CDH23: variants seen among roughly 807,000 people sequenced by gnomAD.
CDH23 encodes cadherin related 23.
Under a neutral mutation model 317.1 loss-of-function variants are expected in CDH23, and 189 were observed. The observed-to-expected ratio is 0.60, with a 90% CI of 0.53 to 0.67. The LOEUF (loss-of-function observed/expected upper bound fraction) is 0.67, where lower values mean the gene tolerates loss of function less well. Among genes scored for constraint, CDH23 ranks in the 30% least tolerant of loss-of-function variants. The pLI is 0.00. For missense variants in CDH23, 4,401 were observed against 4,592.4 expected, an observed-to-expected ratio of 0.96 and a Z score of 1.20; for synonymous variants, 1,839 against 1,876.8, an observed-to-expected ratio of 0.98 and a Z score of 0.52.
chr10:71,804,024 T>C (rs1564802831), intron 55 of CDH23, among the ~76,000 whole-genome samples: 1 of 151,748 alleles, frequency 6.6e-6, no homozygotes, highest in Non-Finnish European at 1.5e-5. Context: ...AGTCTAACTC[T>C]ATCGCTTATC....
intron 68 of CDH23, 59 bp from the exon 69 acceptor site, chr10:71,813,185 C>T (rs764253276): frequency 3.0e-5 from 44 of 1,461,462 alleles, no homozygotes; most frequent in Middle Eastern, 2.2e-4. Context: ...AGGGAGTGGG[C>T]GAGGGGCGGG....
At chr10:71,588,798 C>T (rs1859260771) in intron 9 of CDH23, among the ~76,000 whole-genome samples, 1 of 152,228 alleles carries the variant, frequency 6.6e-6, no homozygotes, top group Admixed American at 6.5e-5. Context: ...GTGTTCCCTG[C>T]ACAAAGCCGC....
At chr10:71,761,833 G>C in intron 38 of CDH23, 2 of 1,614,178 alleles carry the variant, frequency 1.2e-6, no homozygotes, top group Non-Finnish European at 1.7e-6. Context: ...CCTGGAACGT[G>C]AGGTTGCGGA....
intron 38 of CDH23, chr10:71,761,022 A>G (rs1361902860): frequency 1.6e-6 from 2 of 1,226,514 alleles, no homozygotes; most frequent in Non-Finnish European, 2.4e-6. Flanking sequence ...CCAGGTTCTC[A>G]CGCTAGTGCC....
At chr10:71,467,685 G>A (rs951887556) in intron 3 of CDH23, among the ~76,000 whole-genome samples, 1 of 152,110 alleles carries the variant, frequency 6.6e-6, no homozygotes, top group Non-Finnish European at 1.5e-5. Context: ...TGTCCATGAA[G>A]TGTGGAGGAT....
At chr10:71,680,084 G>A (rs1864551727) in intron 17 of CDH23, among the ~76,000 whole-genome samples, 1 of 152,382 alleles carries the variant, frequency 6.6e-6, no homozygotes, top group African/African-American at 2.4e-5. Flanking sequence ...CTGGCCCTTG[G>A]TTGCCTTGCG....
In CDH23 at chr10:71,550,717, C is replaced by G. The variant is rs187897596; in HGVS notation, c.430-16025C>G. ...GGCCCCAGTGCTGTTACTCTTTCCC[C>G]CACCGTCCCATCCTCAAGGCCACTG... is the stretch of plus-strand genomic sequence containing the variant. On this transcript the variant is annotated intron_variant, in intron 6 of 69. Transcript: ENST00000224721. Among the ~76,000 whole-genome samples the G allele has an allele frequency of 2.0e-5, 3 of 152,300 alleles. No individual in the cohort carries two copies. The East Asian group carries it at 5.8e-4, about 29-fold the overall frequency.
At chr10:71,560,367 G>T (rs1857070385) in intron 6 of CDH23, among the ~76,000 whole-genome samples, 1 of 151,810 alleles carries the variant, frequency 6.6e-6, no homozygotes, top group Admixed American at 6.6e-5. Context: ...CTCTTTTTTG[G>T]CTACAGCTCC....
At chr10:71,792,495 A>G (rs543936397) in intron 47 of CDH23, among the ~76,000 whole-genome samples, 25 of 152,270 alleles carry the variant, frequency 1.6e-4, no homozygotes, top group Middle Eastern at 6.8e-3. Context: ...AAATAATTAT[A>G]GCCAATATTG....
At chr10:71,425,799 T>C (rs1564571908) in intron 1 of CDH23, among the ~76,000 whole-genome samples, 3 of 152,222 alleles carry the variant, frequency 2.0e-5, no homozygotes, top group Non-Finnish European at 4.4e-5. Flanking sequence ...AACATCACCC[T>C]GTCTAGATTT....
At chr10:71,770,885 G>T (rs144223100) in intron 38 of CDH23, among the ~76,000 whole-genome samples, 14 of 152,244 alleles carry the variant, frequency 9.2e-5, no homozygotes, top group African/African-American at 3.4e-4. Flanking sequence ...CTGGCATTGG[G>T]TAGATGACCC....
At chr10:71,550,373 AAGAGCC>A (rs1856511426) in intron 6 of CDH23, among the ~76,000 whole-genome samples, 1 of 151,970 alleles carries the variant, frequency 6.6e-6, no homozygotes, top group Non-Finnish European at 1.5e-5. Context: ...GCAACATATC[AAGAGCC>A]CATCTCTGTA....
intron 38 of CDH23, chr10:71,753,049 C>T: frequency 6.3e-7 from 1 of 1,599,858 alleles, no homozygotes; most frequent in African/African-American, 1.3e-5. Flanking sequence ...GGAAGGCTTC[C>T]CCATACAACA....
chr10:71,453,519 G>A (rs10823756), intron 3 of CDH23, among the ~76,000 whole-genome samples: 1 of 152,086 alleles, frequency 6.6e-6, no homozygotes, highest in Non-Finnish European at 1.5e-5. Flanking sequence ...TGGCAGGCAC[G>A]GAGGCATAGG....
intron 6 of CDH23, among the ~76,000 whole-genome samples, chr10:71,532,716 T>TG (rs796887287): frequency 3.3e-4 from 14 of 42,436 alleles, no homozygotes; most frequent in South Asian, 1.4e-3. Flanking sequence ...TTTTTGTTTT[T>TG]TTTTTTTTTT....
At chr10:71,437,794 G>A (rs970191791) in intron 1 of CDH23, among the ~76,000 whole-genome samples, 1 of 152,138 alleles carries the variant, frequency 6.6e-6, no homozygotes, top group Non-Finnish European at 1.5e-5. Flanking sequence ...GCCACACTGG[G>A]CCCACATTCC....
At chr10:71,638,504 C>T (rs1052383209) in intron 11 of CDH23, among the ~76,000 whole-genome samples, 5 of 152,180 alleles carry the variant, frequency 3.3e-5, no homozygotes, top group African/African-American at 1.2e-4. Context: ...CAGCGGAATG[C>T]GCCAGTGCTG....
At chr10:71,645,668 T>C (rs1323953286) in intron 12 of CDH23, 163 bp from the exon 13 acceptor site, 1 of 827,664 alleles carries the variant, frequency 1.2e-6, no homozygotes, top group Admixed American at 1.7e-5. Flanking sequence ...CATGGAGTCT[T>C]GGAGCTGCTC....
At chr10:71,806,651 C>T (rs1841736257) in intron 57 of CDH23, among the ~76,000 whole-genome samples, 1 of 150,788 alleles carries the variant, frequency 6.6e-6, no homozygotes, top group Admixed American at 6.6e-5. Context: ...ATGACCTTGA[C>T]TCACTGCAAC....
Sources: gnomAD v4.1 joint callset for allele counts (sites outside exome capture counted in the v4.1 genomes callset) on GRCh38, gnomAD v4.1.1 for gene constraint, MANE v1.5 for transcripts, NCBI Gene and HGNC (gene_info 2026-07-23, HGNC 2026-07-21) for gene names.